Variants in PCDHGA5 observed in about 807,000 individuals in gnomAD.
The protein encoded by PCDHGA5 is protocadherin gamma-A5.
Under a neutral mutation model 56.7 loss-of-function variants are expected in PCDHGA5, and 36 were observed. The observed-to-expected ratio is 0.64, with a 90% confidence interval of 0.49 to 0.84. The LOEUF is 0.84. Among genes scored for constraint, PCDHGA5 ranks in the 40% least tolerant of loss-of-function variants. PCDHGA5 has a pLI of 0.00. For synonymous variants in PCDHGA5, 563 were observed against 520.2 expected, an observed-to-expected ratio of 1.08 and a Z score of -1.12; for missense variants, 1,305 against 1,201.5, an observed-to-expected ratio of 1.09 and a Z score of -1.27.
intron 1 of PCDHGA5, chr5:141,423,372 C>G: frequency 6.2e-7 from 1 of 1,614,178 alleles, no homozygotes; most frequent in Non-Finnish European, 8.5e-7. Context: ...TGCTGGCACT[C>G]AGGCTGTGGC....
intron 1 of PCDHGA5, chr5:141,382,848 A>G (rs543706507): frequency 5.5e-4 from 813 of 1,490,648 alleles, no homozygotes; most frequent in Non-Finnish European, 6.7e-4. Flanking sequence ...ATACACCCGC[A>G]TTCTGAAGCA....
At chr5:141,391,358 G>T (rs2150448712) in intron 1 of PCDHGA5, 1 of 150,474 alleles carries the variant, frequency 6.6e-6, no homozygotes, top group East Asian at 1.9e-4. Context: ...TGTTACTCAG[G>T]CTGTAGTGCA....
rs539038497 is a variant in PCDHGA5 at position 141,420,464 on chromosome 5, C to T, written c.2421+53713C>T. 2.0e-4 allele frequency: 164 copies of T among 801,490 alleles called. 1 individual carries two copies. In the South Asian group the frequency reaches 6.4e-3, roughly 31 times the overall value. 49.6% of individuals were successfully genotyped at this position (801,490 alleles called of 1,614,324 possible). ...CCTCAGTCTTCCTACTATTCAAAGA[C>T]ATTTTAAAGCAAACTACATGGGTAA... On this transcript the variant is annotated intron_variant, in intron 1 of 3. Transcript: ENST00000518069.
chr5:141,405,583 T>C (rs868246551), intron 1 of PCDHGA5: 1 of 588,746 alleles, frequency 1.7e-6, no homozygotes. Flanking sequence ...TAGCTGGGAC[T>C]ACAGGCCTCC....
At chr5:141,409,471 AG>A in intron 1 of PCDHGA5, 1 of 1,613,978 alleles carries the variant, frequency 6.2e-7, no homozygotes, top group Non-Finnish European at 8.5e-7. Flanking sequence ...TCACCATCGT[AG>A]CCACTGACAG....
At chr5:141,435,271 T>C (rs1242477213) in intron 1 of PCDHGA5, among the ~76,000 whole-genome samples, 1 of 152,216 alleles carries the variant, frequency 6.6e-6, no homozygotes, top group African/African-American at 2.4e-5. Context: ...CCATTTATAC[T>C]TTCTCAGTAT....
In PCDHGA5 at chr5:141,432,249, A is replaced by G; in HGVS notation, c.2422-62558A>G. The G allele has an allele frequency of 6.2e-7, 1 of 1,614,206 alleles. No individual in the cohort carries two copies. Among genetic ancestry groups the G allele is most frequent in the Non-Finnish European group, 8.5e-7 (1 of 1,180,044 alleles). On this transcript the variant is annotated intron_variant, in intron 1 of 3. Coordinates refer to ENST00000518069, the MANE Select transcript of PCDHGA5 (RefSeq NM_018918.3). The surrounding 1 kb of genome is among the most constrained non-coding windows in gnomAD (Gnocchi z 6.0). ...TATTCCCTGGCTGAGAACACCATCC[A>G]AGGGGCAAGCCTATCGTCCTACGTG...
rs748189764 is a variant in PCDHGA5 at position 141,404,578 on chromosome 5, T to G, written c.2421+37827T>G. 1.9e-6 allele frequency: 3 copies of G among 1,613,950 alleles called. No homozygotes were observed. The Admixed American group carries it at 5.0e-5, about 27-fold the overall frequency. On this transcript the variant is annotated intron_variant, in intron 1 of 3. Coordinates refer to ENST00000518069, the MANE Select transcript of PCDHGA5 (RefSeq NM_018918.3). ...CAAGTGACAGTGGAAGCCCACCACTTAGCAGCAATGTGTCATTGAGACTGT... is the reference window on the plus strand; with the variant it reads ...CAAGTGACAGTGGAAGCCCACCACTGAGCAGCAATGTGTCATTGAGACTGT...
Position 141,431,386 on chromosome 5 carries a change from C to A in PCDHGA5, c.2422-63421C>A. The stretch of plus-strand genomic sequence containing the variant: ...ACCGCGAAGAAAAGGCTGCTCACCA[C>A]CTGGTCCTTACGGCCTCCGACGGGG... On this transcript the variant is annotated intron_variant, in intron 1 of 3. Coordinates refer to ENST00000518069, the MANE Select transcript of PCDHGA5 (RefSeq NM_018918.3). The surrounding 1 kb of genome is among the most constrained non-coding windows in gnomAD (Gnocchi z 4.8). The A allele has an allele frequency of 6.2e-7, 1 of 1,613,924 alleles. No individual in the cohort carries two copies. Among genetic ancestry groups the A allele is most frequent in the Non-Finnish European group, 8.5e-7 (1 of 1,180,038 alleles).
At chr5:141,427,870 C>T (rs773176633) in intron 1 of PCDHGA5, 86 of 1,558,630 alleles carry the variant, frequency 5.5e-5, no homozygotes, top group Non-Finnish European at 4.8e-5. Context: ...TTCGAGCTCA[C>T]GATGCAGGCC....
intron 1 of PCDHGA5, chr5:141,415,488 C>T: frequency 1.9e-6 from 3 of 1,614,220 alleles, no homozygotes; most frequent in Non-Finnish European, 2.5e-6. Context: ...GAAAGAGTCA[C>T]CTGATCTTCC....
rs549866784 is a variant in PCDHGA5, at chr5:141,437,490, A to G, written c.2422-57317A>G. ...TTTTATAGCATATTTAATCTCGTAGATCACTTTTCAATGAATTATAAGGCT... is the reference window on the plus strand; with the variant it reads ...TTTTATAGCATATTTAATCTCGTAGGTCACTTTTCAATGAATTATAAGGCT... On this transcript the variant is annotated intron_variant, in intron 1 of 3. Coordinates refer to ENST00000518069, the MANE Select transcript of PCDHGA5 (RefSeq NM_018918.3). 2.0e-5 allele frequency among the ~76,000 whole-genome samples: 3 copies of G among 152,308 alleles called. No homozygotes were observed. In the East Asian group the frequency reaches 5.8e-4, roughly 29 times the overall value.
intron 1 of PCDHGA5, chr5:141,370,790 C>G: frequency 6.2e-7 from 1 of 1,614,040 alleles, no homozygotes; most frequent in East Asian, 2.2e-5. Context: ...ACCCACCGAC[C>G]TTTAGCCAAA....
intron 1 of PCDHGA5, chr5:141,400,117 T>C (rs2093964744): frequency 1.2e-6 from 2 of 1,614,050 alleles, no homozygotes; most frequent in Non-Finnish European, 1.7e-6. Context: ...TGCTGACAGC[T>C]TGCAGGAGGT....
intron 1 of PCDHGA5, among the ~76,000 whole-genome samples, chr5:141,447,747 C>A (rs1164160677): frequency 2.0e-5 from 3 of 152,106 alleles, no homozygotes; most frequent in Non-Finnish European, 4.4e-5. Flanking sequence ...AAGAGTCTTG[C>A]ATGTGACTGT....
Position 141,477,412 on chromosome 5 carries a change from C to T in PCDHGA5, c.2422-17395C>T. 6 of 1,614,168 alleles carry T rather than the reference C, an allele frequency of 3.7e-6. No individual in the cohort carries two copies. The highest frequency in any genetic ancestry group is 1.1e-5 in the South Asian group (1 of 91,082). On this transcript the variant is annotated intron_variant, in intron 1 of 3. Coordinates refer to ENST00000518069, the MANE Select transcript of PCDHGA5 (RefSeq NM_018918.3). This position sits in a 1 kb window ranked among gnomAD's most constrained non-coding sequence, Gnocchi z 4.9. ...ACCTCAGCATCACCGCCCGAGACGC[C>T]GGAACCCCTTCCCTCTCAGCCCTTA... is the stretch of plus-strand genomic sequence containing the variant.
At position 141,393,344 on chromosome 5, in the gene PCDHGA5, C is replaced by G. The variant is rs1428830318; in HGVS notation, c.2421+26593C>G. On this transcript the variant is annotated intron_variant, in intron 1 of 3. Transcript: ENST00000518069. ...GCTACCAGCTCAGCCCCAATCACCA[C>G]TTCTCCCTGGACGTGCAGACTGGAG... The G allele has an allele frequency of 9.9e-6, 16 of 1,613,888 alleles. No individual in the cohort carries two copies. The highest frequency in any genetic ancestry group is 1.2e-5 in the Non-Finnish European group (14 of 1,179,904).
In PCDHGA5 at chr5:141,432,866, G is replaced by A; in HGVS notation, c.2422-61941G>A. The A allele has an allele frequency of 6.2e-7, 1 of 1,614,152 alleles. No individual in the cohort carries two copies. The highest frequency in any genetic ancestry group is 8.5e-7 in the Non-Finnish European group (1 of 1,180,008). On this transcript the variant is annotated intron_variant, in intron 1 of 3. Transcript: ENST00000518069. This position sits in a 1 kb window ranked among gnomAD's most constrained non-coding sequence, Gnocchi z 6.0. ...GGTAGCGGTGGCCGCGGTCTCCTGC[G>A]TCTTCCTGGCCTTCGTCATCTTGCT...
intron 1 of PCDHGA5, chr5:141,409,953 C>T: frequency 6.2e-7 from 1 of 1,613,398 alleles, no homozygotes; most frequent in Non-Finnish European, 8.5e-7. Context: ...TCTGCAGAGC[C>T]CGGCTACCTA....
Sources: allele counts gnomAD v4.1 joint callset (sites outside exome capture counted in the v4.1 genomes callset), GRCh38; gene constraint gnomAD v4.1.1; non-coding constraint Gnocchi (gnomAD v3.1); transcripts MANE v1.5; gene names NCBI Gene and HGNC (gene_info 2026-07-23, HGNC 2026-07-21).